Variants in BMAL2 observed in about 807,000 individuals in gnomAD.
The protein encoded by BMAL2 is basic helix-loop-helix ARNT-like protein 2.
chr12:27,414,240 G>A, the BMAL2 span, among the ~76,000 whole-genome samples: 3 of 152,114 alleles, frequency 2.0e-5, no homozygotes, highest in Admixed American at 6.5e-5. Context: ...ATTAGTAGGG[G>A]ACCTCAAAAC....
the BMAL2 span, among the ~76,000 whole-genome samples, chr12:27,333,816 G>T: frequency 6.6e-6 from 1 of 152,262 alleles, no homozygotes. Context: ...TTTGTGAATG[G>T]AGTTGGAAGT....
chr12:27,359,713 C>T, the BMAL2 span, among the ~76,000 whole-genome samples: 2 of 151,976 alleles, frequency 1.3e-5, no homozygotes, highest in East Asian at 1.9e-4. Flanking sequence ...CTGTGTCAGG[C>T]ACTGTGCCAG....
chr12:27,364,514 C>T, the BMAL2 span, among the ~76,000 whole-genome samples: 12 of 152,060 alleles, frequency 7.9e-5, no homozygotes, highest in African/African-American at 2.9e-4. Flanking sequence ...TCTTTGTTCT[C>T]TTCCATTCAT....
At chr12:27,403,284 A>T in the BMAL2 span, 7 of 610,216 alleles carry the variant, frequency 1.1e-5, no homozygotes, top group African/African-American at 1.3e-4. Context: ...AAAGAGCATC[A>T]TGAATTACAT....
the BMAL2 span, among the ~76,000 whole-genome samples, chr12:27,342,650 A>G: frequency 1.3e-5 from 2 of 152,258 alleles, no homozygotes; most frequent in South Asian, 4.1e-4. Flanking sequence ...AACACGTACC[A>G]GCTCCCTGGT....
At chr12:27,373,828 A>C in the BMAL2 span, among the ~76,000 whole-genome samples, 1 of 152,234 alleles carries the variant, frequency 6.6e-6, no homozygotes, top group Non-Finnish European at 1.5e-5. Flanking sequence ...TTGAAATTCT[A>C]TTACTGTAAT....
the BMAL2 span, among the ~76,000 whole-genome samples, chr12:27,384,268 GC>G: frequency 6.6e-6 from 1 of 152,136 alleles, no homozygotes; most frequent in Non-Finnish European, 1.5e-5. Context: ...CTTGGTTTTG[GC>G]CTGATAATTC....
the BMAL2 span, among the ~76,000 whole-genome samples, chr12:27,345,579 C>A: frequency 6.6e-6 from 1 of 152,198 alleles, no homozygotes; most frequent in African/African-American, 2.4e-5. Context: ...GCCTCCACGC[C>A]TTGGGCTCAA....
chr12:27,370,019 A>G, the BMAL2 span: 61 of 741,236 alleles, frequency 8.2e-5, no homozygotes, highest in Non-Finnish European at 5.2e-5. Flanking sequence ...CCAGCTTCCT[A>G]TCACTGGGTA....
chr12:27,360,802 C>T, the BMAL2 span, among the ~76,000 whole-genome samples: 1 of 1,856 alleles, frequency 5.4e-4, no homozygotes, highest in South Asian at 0.015. Flanking sequence ...AGTGATTTGT[C>T]CAAAAAAAAA....
chr12:27,423,800 CTA>C, the BMAL2 span: 1 of 152,184 alleles, frequency 6.6e-6, no homozygotes, highest in Non-Finnish European at 1.5e-5. Flanking sequence ...GGTTTGATCT[CTA>C]TGTTTACTTC....
At chr12:27,334,276 G>C in the BMAL2 span, among the ~76,000 whole-genome samples, 2 of 152,144 alleles carry the variant, frequency 1.3e-5, no homozygotes, top group Admixed American at 6.5e-5. Context: ...TTTACTGTCT[G>C]TGTCACCCAG....
chr12:27,409,029 A>T, the BMAL2 span, among the ~76,000 whole-genome samples: 1 of 152,326 alleles, frequency 6.6e-6, no homozygotes, highest in African/African-American at 2.4e-5. Flanking sequence ...TAGGAATCCA[A>T]CTTACAAGGG....
At chr12:27,398,840 C>T in the BMAL2 span, among the ~76,000 whole-genome samples, 1 of 152,146 alleles carries the variant, frequency 6.6e-6, no homozygotes, top group Non-Finnish European at 1.5e-5. Flanking sequence ...CATAAGTTTG[C>T]AAAAATGCTG....
At chr12:27,405,136 G>C in the BMAL2 span, among the ~76,000 whole-genome samples, 1 of 152,164 alleles carries the variant, frequency 6.6e-6, no homozygotes, top group Non-Finnish European at 1.5e-5. Context: ...GCAGCTCAAG[G>C]AAGCCTGCCT....
the BMAL2 span, among the ~76,000 whole-genome samples, chr12:27,420,019 G>GCGCACACACACACACACACA: frequency 6.8e-6 from 1 of 147,478 alleles, no homozygotes; most frequent in African/African-American, 2.5e-5. Flanking sequence ...GTTTGCGCGT[G>GCGCACACACACACACACACA]CACACACACA....
At chr12:27,356,359 A>G in the BMAL2 span, among the ~76,000 whole-genome samples, 1 of 152,184 alleles carries the variant, frequency 6.6e-6, no homozygotes, top group African/African-American at 2.4e-5. Context: ...AGGTAACTAC[A>G]TTAGCTTCCC....
At chr12:27,420,019 G>GCGCGCACGCACACACA in the BMAL2 span, among the ~76,000 whole-genome samples, 1 of 147,478 alleles carries the variant, frequency 6.8e-6, no homozygotes, top group African/African-American at 2.5e-5. Flanking sequence ...GTTTGCGCGT[G>GCGCGCACGCACACACA]CACACACACA....
chr12:27,388,967 T>C, the BMAL2 span, among the ~76,000 whole-genome samples: 1 of 152,236 alleles, frequency 6.6e-6, no homozygotes, highest in African/African-American at 2.4e-5. Flanking sequence ...GGTTTGTGTA[T>C]ATCCAGGGAT....
Sources: gnomAD v4.1 joint callset for allele counts (sites outside exome capture counted in the v4.1 genomes callset) on GRCh38, gnomAD v4.1.1 for gene constraint, MANE v1.5 for transcripts, NCBI Gene and HGNC (gene_info 2026-07-23, HGNC 2026-07-21) for gene names.